Variants in TCF4 observed in about 807,000 individuals in gnomAD.
The protein encoded by TCF4 is transcription factor 4, also known as SL3-3 enhancer factor 2.
Under a neutral mutation model 82.1 loss-of-function variants are expected in TCF4, and 3 were observed. That is an observed-to-expected ratio of 0.04 (90% CI 0.02 to 0.09). The LOEUF (loss-of-function observed/expected upper bound fraction) is 0.09, where lower values mean the gene tolerates loss of function less well. TCF4 is among the 10% of genes least tolerant of loss of function. The pLI is 1.00. For missense variants in TCF4, 518 were observed against 852.7 expected, an observed-to-expected ratio of 0.61 and a Z score of 4.89; for synonymous variants, 276 against 309.6, an observed-to-expected ratio of 0.89 and a Z score of 1.14.
In TCF4 at chr18:55,439,535, G is replaced by A. The variant is rs376267300; in HGVS notation, c.304+21484C>T. 3.9e-5 allele frequency among the ~76,000 whole-genome samples: 6 copies of A among 152,224 alleles called. No homozygotes were observed. The East Asian group carries it at 7.7e-4, about 20-fold the overall frequency. ...CCATCCCAGTAGTCCAGGATCTAGC[G>A]CACTCCCTGGCACTAAGAAGCATCC... On this transcript the variant is annotated intron_variant, in intron 5 of 19. Transcript: ENST00000354452.
At chr18:55,632,875 C>T (rs1568511224) in intron 1 of TCF4, among the ~76,000 whole-genome samples, 1 of 151,966 alleles carries the variant, frequency 6.6e-6, no homozygotes, top group East Asian at 1.9e-4. Context: ...GGAAAGAGAC[C>T]AAAGTCTCAC....
At chr18:55,365,564 G>A (rs557240089) in intron 6 of TCF4, among the ~76,000 whole-genome samples, 1 of 152,006 alleles carries the variant, frequency 6.6e-6, no homozygotes, top group South Asian at 2.1e-4. Context: ...GAGCCCATCA[G>A]CCTTTCAACT....
At chr18:55,321,959 C>G in intron 8 of TCF4, 1 of 1,332,478 alleles carries the variant, frequency 7.5e-7, no homozygotes, top group Non-Finnish European at 9.6e-7. Context: ...GAAGGCAGCC[C>G]GGCCCTGATG....
chr18:55,544,597 T>C (rs978432642), intron 3 of TCF4, among the ~76,000 whole-genome samples: 1 of 152,210 alleles, frequency 6.6e-6, no homozygotes, highest in East Asian at 1.9e-4. Context: ...CGTGGCCTCA[T>C]TGTAAGGCTC....
intron 3 of TCF4, among the ~76,000 whole-genome samples, chr18:55,505,290 A>G (rs2096741680): frequency 6.6e-6 from 1 of 152,194 alleles, no homozygotes; most frequent in Non-Finnish European, 1.5e-5. Flanking sequence ...TTTTATTGTC[A>G]TATGCTGGAT....
In TCF4 at chr18:55,235,937, C is replaced by G. The variant is rs146258500; in HGVS notation, c.1351-1254G>C. Among the ~76,000 whole-genome samples, 202 of 152,226 alleles carry G rather than the reference C, an allele frequency of 1.3e-3. 2 individuals carry two copies. The highest frequency in any genetic ancestry group is 3.7e-3 in the African/African-American group (152 of 41,516). The stretch of plus-strand genomic sequence containing the variant: ...TAAGTATCTGAACCAACAACAAATT[C>G]ACAGGACCTAATAAGCACATGCTAT... On this transcript the variant is annotated intron_variant, in intron 15 of 19. Coordinates refer to ENST00000354452, the MANE Select transcript of TCF4 (RefSeq NM_001083962.2).
intron 3 of TCF4, among the ~76,000 whole-genome samples, chr18:55,563,282 G>T (rs1012146827): frequency 1.1e-4 from 17 of 150,110 alleles, no homozygotes; most frequent in Non-Finnish European, 2.5e-4. Context: ...TCTTTCTCTG[G>T]CTAATAAAAA....
chr18:55,392,256 T>A (rs897186059), intron 6 of TCF4, among the ~76,000 whole-genome samples: 7 of 151,696 alleles, frequency 4.6e-5, no homozygotes, highest in African/African-American at 1.7e-4. Context: ...TGAGCCATCA[T>A]GCCCGGCCCA....
At chr18:55,359,572 T>C (rs201329515) in intron 6 of TCF4, among the ~76,000 whole-genome samples, 8 of 152,230 alleles carry the variant, frequency 5.3e-5, no homozygotes, top group African/African-American at 1.7e-4. Context: ...TGGAAGATGC[T>C]TGCATGATTT....
At chr18:55,577,208 A>T (rs1341194001) in intron 3 of TCF4, among the ~76,000 whole-genome samples, 1 of 27,428 alleles carries the variant, frequency 3.6e-5, no homozygotes, top group East Asian at 0.012. Flanking sequence ...TTATATATTT[A>T]TATAAATGTA....
upstream of TCF4, chr18:55,588,678 C>G (rs1341411125): frequency 7.5e-6 from 10 of 1,325,032 alleles, no homozygotes; most frequent in Non-Finnish European, 8.7e-6. Context: ...TGCAAAAAGA[C>G]TTTGCCAAGA....
intron 3 of TCF4, among the ~76,000 whole-genome samples, chr18:55,539,580 A>T (rs1432190013): frequency 1.3e-5 from 2 of 152,192 alleles, no homozygotes; most frequent in African/African-American, 4.8e-5. Context: ...CCAGATGAAG[A>T]TGAGCTCACA....
chr18:55,503,002 C>G (rs1418179184), intron 3 of TCF4, among the ~76,000 whole-genome samples: 3 of 152,124 alleles, frequency 2.0e-5, no homozygotes, highest in African/African-American at 7.2e-5. Flanking sequence ...TGGTATGTGC[C>G]ACCTCCTTAC....
chr18:55,450,207 T>A (rs553318436), intron 5 of TCF4, among the ~76,000 whole-genome samples: 8 of 152,176 alleles, frequency 5.3e-5, no homozygotes, highest in Non-Finnish European at 1.0e-4. Flanking sequence ...TTCCCCCATG[T>A]TAGTTCTCTT....
At chr18:55,569,502 G>A (rs748866962) in intron 3 of TCF4, among the ~76,000 whole-genome samples, 57 of 151,812 alleles carry the variant, frequency 3.8e-4, no homozygotes, top group Non-Finnish European at 4.1e-4. Flanking sequence ...CTAAGATCAC[G>A]CCACTGCACT....
At chr18:55,260,416 G>A (rs575290917) in intron 12 of TCF4, among the ~76,000 whole-genome samples, 5 of 152,248 alleles carry the variant, frequency 3.3e-5, no homozygotes, top group East Asian at 1.9e-4. Context: ...AGATCTAGGC[G>A]TTTGATTGCA....
chr18:55,439,256 G>A (rs556127366), intron 5 of TCF4, among the ~76,000 whole-genome samples: 1 of 152,298 alleles, frequency 6.6e-6, no homozygotes, highest in Non-Finnish European at 1.5e-5. Flanking sequence ...GGGGATGGAG[G>A]AGAGCTTGGG....
intron 3 of TCF4, among the ~76,000 whole-genome samples, chr18:55,472,652 G>T (rs2096209850): frequency 6.6e-6 from 1 of 151,980 alleles, no homozygotes; most frequent in East Asian, 1.9e-4. Flanking sequence ...TTAAAAATCA[G>T]TCTTAACTAA....
At chr18:55,406,126 CTTTTTTTTTTTT>C (rs34522468) in intron 5 of TCF4, among the ~76,000 whole-genome samples, 1 of 116,100 alleles carries the variant, frequency 8.6e-6, no homozygotes, top group African/African-American at 3.2e-5. Flanking sequence ...GGGAGGTGGA[CTTTTTTTTTTTT>C]TTTTTTTTTT....
Sources: gnomAD v4.1 joint callset for allele counts (sites outside exome capture counted in the v4.1 genomes callset) on GRCh38, gnomAD v4.1.1 for gene constraint, MANE v1.5 for transcripts, NCBI Gene and HGNC (gene_info 2026-07-23, HGNC 2026-07-21) for gene names.